Variants in RSPO4 observed in about 807,000 individuals in gnomAD.
The protein encoded by RSPO4 is R-spondin-4.
In RSPO4, 23 loss-of-function variants were observed where a neutral mutation model predicts 24.8. That is an observed-to-expected ratio of 0.93 (90% CI 0.67 to 1.31). RSPO4 has a LOEUF of 1.31. RSPO4 is among the 40% of genes most tolerant of loss of function. The pLI is 0.00. For synonymous variants in RSPO4, 141 were observed against 127.4 expected, an observed-to-expected ratio of 1.11 and a Z score of -0.72; for missense variants, 333 against 316.5, an observed-to-expected ratio of 1.05 and a Z score of -0.39.
chr20:978,287 G>T (rs1044174026), intron 1 of RSPO4, among the ~76,000 whole-genome samples: 1 of 152,190 alleles, frequency 6.6e-6, no homozygotes, highest in African/African-American at 2.4e-5. Flanking sequence ...AAATGGGGAC[G>T]ATAGTAGCAA....
rs1984732605 is a variant in RSPO4, at chr20:981,466, A to T, written c.80-13328T>A. ...CTTGAATCCAGGATGCGGAGGTTGC[A>T]TGAGCCAAGATTGCACCACTGCACT... On this transcript the variant is annotated intron_variant, in intron 1 of 4. Transcript: ENST00000217260. The surrounding 1 kb of genome is among the most constrained non-coding windows in gnomAD (Gnocchi z 4.6). 6.6e-6 allele frequency among the ~76,000 whole-genome samples: 1 copy of T among 152,204 alleles called. No homozygotes were observed. The highest frequency in any genetic ancestry group is 1.5e-5 in the Non-Finnish European group (1 of 68,028).
intron 1 of RSPO4, among the ~76,000 whole-genome samples, chr20:1,001,729 C>G (rs1985469511): frequency 6.6e-6 from 1 of 152,188 alleles, no homozygotes; most frequent in Non-Finnish European, 1.5e-5. Context: ...GGAATGGCTT[C>G]TACGCCACTG....
intron 1 of RSPO4, among the ~76,000 whole-genome samples, chr20:976,236 C>T (rs1326285035): frequency 6.6e-6 from 1 of 152,226 alleles, no homozygotes; most frequent in Non-Finnish European, 1.5e-5. Flanking sequence ...TCATGACACA[C>T]AGTGGGACTG....
chr20:998,826 A>G (rs1985375484), intron 1 of RSPO4, among the ~76,000 whole-genome samples: 1 of 152,126 alleles, frequency 6.6e-6, no homozygotes, highest in African/African-American at 2.4e-5. Flanking sequence ...CACTGCCAAT[A>G]CCCAGGTGTT....
chr20:999,214 C>T (rs1253666225), intron 1 of RSPO4, among the ~76,000 whole-genome samples: 2 of 152,074 alleles, frequency 1.3e-5, no homozygotes, highest in East Asian at 3.9e-4. Context: ...AGAGTTTTGC[C>T]ATGTTGCCCA....
At chr20:964,829 CACATAT>C (rs764841497) in intron 3 of RSPO4, among the ~76,000 whole-genome samples, 3,317 of 95,022 alleles carry the variant, frequency 0.035, 52 homozygotes, top group Non-Finnish European at 0.041. Context: ...CACACACACA[CACATAT>C]ATATATATAT....
intron 1 of RSPO4, among the ~76,000 whole-genome samples, chr20:969,666 G>A (rs941162490): frequency 3.9e-5 from 6 of 152,172 alleles, no homozygotes; most frequent in African/African-American, 1.4e-4. Context: ...CCAGGCTTAG[G>A]TGGTATTCCT....
chr20:985,157 A>G (rs1167313376), intron 1 of RSPO4, among the ~76,000 whole-genome samples: 3 of 140,620 alleles, frequency 2.1e-5, no homozygotes, highest in Non-Finnish European at 4.6e-5. Flanking sequence ...CCATCCATCC[A>G]TCCACCCACC....
At chr20:969,398 G>C (rs904548193) in intron 1 of RSPO4, among the ~76,000 whole-genome samples, 9 of 152,216 alleles carry the variant, frequency 5.9e-5, no homozygotes, top group African/African-American at 2.2e-4. Context: ...CCCTGCCAAC[G>C]AAGTGAGGAG....
chr20:989,532 G>A (rs995177689), intron 1 of RSPO4, among the ~76,000 whole-genome samples: 5 of 152,156 alleles, frequency 3.3e-5, no homozygotes, highest in African/African-American at 4.8e-5. Context: ...ATGCCAGTAG[G>A]GAGGAGTTGA....
At chr20:973,455 TTTTA>T (rs781242310) in intron 1 of RSPO4, among the ~76,000 whole-genome samples, 1 of 93,170 alleles carries the variant, frequency 1.1e-5, no homozygotes, top group Middle Eastern at 4.6e-3. Context: ...TTTTTGTTTG[TTTTA>T]TTGTTTGTTT....
intron 3 of RSPO4, among the ~76,000 whole-genome samples, chr20:964,833 T>G (rs9680050): frequency 6.5e-5 from 3 of 46,016 alleles, no homozygotes; most frequent in Non-Finnish European, 2.6e-4. Context: ...CACACACACA[T>G]ATATATATAT....
At chr20:1,001,948 G>C in intron 1 of RSPO4, 138 bp downstream of exon 1, 1 of 692,734 alleles carries the variant, frequency 1.4e-6, no homozygotes, top group Non-Finnish European at 2.5e-6. Flanking sequence ...AAGTGAGGTT[G>C]AGACTCGTCT....
chr20:971,937 G>A (rs1984420949), intron 1 of RSPO4, among the ~76,000 whole-genome samples: 1 of 152,160 alleles, frequency 6.6e-6, no homozygotes, highest in Non-Finnish European at 1.5e-5. Context: ...TCAAGCTGAG[G>A]TCTTGAGCAG....
At chr20:984,444 G>A (rs577491695) in intron 1 of RSPO4, among the ~76,000 whole-genome samples, 13 of 152,308 alleles carry the variant, frequency 8.5e-5, no homozygotes, top group South Asian at 2.1e-4. Flanking sequence ...AAAAGTCAGC[G>A]CTGACTGAGG....
chr20:999,106 C>T (rs1208068725), intron 1 of RSPO4, among the ~76,000 whole-genome samples: 7 of 151,814 alleles, frequency 4.6e-5, no homozygotes, highest in Non-Finnish European at 1.0e-4. Flanking sequence ...CCTCCCACTT[C>T]GGCTTCCTAA....
intron 4 of RSPO4, among the ~76,000 whole-genome samples, chr20:962,582 G>A (rs1439795395): frequency 1.3e-5 from 2 of 152,048 alleles, no homozygotes; most frequent in Non-Finnish European, 2.9e-5. Context: ...GGTCTCTTAG[G>A]TTCTCTGGTT....
intron 1 of RSPO4, among the ~76,000 whole-genome samples, chr20:975,693 C>T (rs6077476): frequency 2.0e-5 from 3 of 152,142 alleles, no homozygotes; most frequent in Non-Finnish European, 4.4e-5. Flanking sequence ...TCCATTCATT[C>T]ATTCATCGAC....
In RSPO4 at chr20:1,002,194, C is replaced by G. The variant is rs926219623; in HGVS notation, c.-30G>C. The G allele has an allele frequency of 6.7e-7, 1 of 1,497,976 alleles. No homozygotes were observed. The highest frequency in any genetic ancestry group is 2.1e-5 in the Admixed American group (1 of 47,882). 92.8% of individuals were successfully genotyped at this position (1,497,976 alleles called of 1,614,324 possible). On this transcript the variant is annotated 5_prime_UTR_variant, in exon 1 of 5. Transcript: ENST00000217260. The surrounding 1 kb of genome is among the most constrained non-coding windows in gnomAD (Gnocchi z 4.6). ...GCAGCCGGATCCGGGCTGGCGCTCC[C>G]CAGGCGGCCCGACGGCCCAAGGGCC...
Sources: allele counts gnomAD v4.1 joint callset (sites outside exome capture counted in the v4.1 genomes callset), GRCh38; gene constraint gnomAD v4.1.1; non-coding constraint Gnocchi (gnomAD v3.1); transcripts MANE v1.5; gene names NCBI Gene and HGNC (gene_info 2026-07-23, HGNC 2026-07-21).